SLC2A12: variants seen among roughly 807,000 people sequenced by gnomAD.
SLC2A12 encodes the protein solute carrier family 2, facilitated glucose transporter member 12.
In SLC2A12, 23 loss-of-function variants were observed where a neutral mutation model predicts 41.8. The ratio of observed to expected loss-of-function variants is 0.55; its 90% confidence interval spans 0.40 to 0.78. SLC2A12 has a LOEUF of 0.78. SLC2A12 is among the 30% of genes least tolerant of loss of function. SLC2A12 has a pLI of 0.00. For missense variants in SLC2A12, 654 were observed against 745.6 expected, an observed-to-expected ratio of 0.88 and a Z score of 1.43; for synonymous variants, 295 against 285.9, an observed-to-expected ratio of 1.03 and a Z score of -0.32.
In SLC2A12 at chr6:134,011,339, C is replaced by T. The variant is rs574277727; in HGVS notation, c.1445-4405G>A. On this transcript the variant is annotated intron_variant, in intron 2 of 4. Coordinates refer to ENST00000275230, the MANE Select transcript of SLC2A12 (RefSeq NM_145176.3). ...ATTGGGTTCTTTAAAAATAAGTATA[C>T]GACCAGGTGTGATGGTTCACTCCTG... Among the ~76,000 whole-genome samples, 89 of 152,090 alleles carry T rather than the reference C, an allele frequency of 5.9e-4. 1 individual carries two copies. Among genetic ancestry groups the T allele is most frequent in the East Asian group, 1.9e-4 (1 of 5,168 alleles).
At position 134,052,585 on chromosome 6, in the gene SLC2A12, T is replaced by A; in HGVS notation, c.-105A>T. The A allele has an allele frequency of 1.2e-6, 1 of 850,660 alleles. No individual in the cohort carries two copies. Among genetic ancestry groups the A allele is most frequent in the Non-Finnish European group, 1.9e-6 (1 of 535,546 alleles). The allele number at this position is 850,660 out of a possible 1,614,324, so 52.7% of individuals were successfully genotyped here. Reference sequence around the variant, plus strand: ...CATAATAGCATGCTAAAGAAGAGTGTGGGGAAAAACTTCGGGCAAAGCTAA... The same window carrying A: ...CATAATAGCATGCTAAAGAAGAGTGAGGGGAAAAACTTCGGGCAAAGCTAA... On this transcript the variant is annotated 5_prime_UTR_variant, in exon 1 of 5. Coordinates refer to ENST00000275230, the MANE Select transcript of SLC2A12 (RefSeq NM_145176.3).
chr6:134,019,719 G>A (rs1160330044), intron 2 of SLC2A12, among the ~76,000 whole-genome samples: 1 of 152,134 alleles, frequency 6.6e-6, no homozygotes, highest in Non-Finnish European at 1.5e-5. Context: ...TATTTTAAAT[G>A]CATTCTAGAA....
chr6:134,011,953 A>G (rs1174934413), intron 2 of SLC2A12, among the ~76,000 whole-genome samples: 1 of 151,678 alleles, frequency 6.6e-6, no homozygotes, highest in Non-Finnish European at 1.5e-5. Context: ...AAGGCAGGAG[A>G]ATCGCTTGAG....
intron 4 of SLC2A12, among the ~76,000 whole-genome samples, chr6:133,999,229 G>A (rs1246909122): frequency 6.6e-6 from 1 of 152,200 alleles, no homozygotes; most frequent in East Asian, 1.9e-4. Context: ...TAAGGATGTA[G>A]AGCTGAATCT....
Position 134,028,819 on chromosome 6 carries a change from G to C in SLC2A12, c.1006C>G (p.Leu336Val). 6.2e-7 allele frequency: 1 copy of C among 1,614,210 alleles called. No homozygotes were observed. Among genetic ancestry groups the C allele is most frequent in the Non-Finnish European group, 8.5e-7 (1 of 1,180,042 alleles). ...VKVISTIPAT[L>V]LVDHVGSKTF... The stretch of plus-strand genomic sequence containing the variant: ...TTGCTGCCGACATGGTCTACAAGAA[G>C]AGTGGCAGGGATGGTGCTAATGACC... Residue 336 changes from leucine (L) to valine (V), a missense_variant, in exon 2 of 5, where the codon CTT becomes GTT. By Grantham distance (32) the Leu-to-Val change is conservative. This residue lies in a region of SLC2A12 where 411 missense variants were observed against 412.1 expected (regional missense o/e 1.00). Coordinates refer to ENST00000275230, the MANE Select transcript of SLC2A12 (RefSeq NM_145176.3).
At position 134,047,931 on chromosome 6, in the gene SLC2A12, T is replaced by C. The variant is rs1777481344; in HGVS notation, c.103+4447A>G. On this transcript the variant is annotated intron_variant, in intron 1 of 4. Coordinates refer to ENST00000275230, the MANE Select transcript of SLC2A12 (RefSeq NM_145176.3). The stretch of plus-strand genomic sequence containing the variant: ...CAGGGCAGGCTTCCTGCAGCGTGTG[T>C]CTGCTGCTGCTTCAGAGCCTGGGAG... 2.0e-5 allele frequency among the ~76,000 whole-genome samples: 3 copies of C among 152,194 alleles called. No homozygotes were observed. In the South Asian group the frequency reaches 6.2e-4, roughly 31 times the overall value.
At chr6:134,002,873 C>T (rs1366367791) in intron 3 of SLC2A12, among the ~76,000 whole-genome samples, 1 of 152,220 alleles carries the variant, frequency 6.6e-6, no homozygotes, top group Non-Finnish European at 1.5e-5. Context: ...CCTCTGACCG[C>T]TTCCAGCCAA....
At chr6:134,002,744 C>A (rs58842971) in intron 3 of SLC2A12, among the ~76,000 whole-genome samples, 3,247 of 152,220 alleles carry the variant, frequency 0.021, 75 homozygotes, top group East Asian at 0.1. Flanking sequence ...AATGTTTCTT[C>A]CTGGGTTCAG....
chr6:134,040,058 GTTTTTT>G (rs11371413), intron 1 of SLC2A12, among the ~76,000 whole-genome samples: 2 of 139,332 alleles, frequency 1.4e-5, no homozygotes, highest in African/African-American at 5.4e-5. Flanking sequence ...GTTGTTTTTT[GTTTTTT>G]TTTTTTTGTT....
Position 133,996,782 on chromosome 6 carries a change from C to T in SLC2A12, c.1700+5215G>A, listed in dbSNP as rs540080451. On this transcript the variant is annotated intron_variant, in intron 4 of 4. Transcript: ENST00000275230. ...CAAGCAGGTTCCATGGGCTTTCTAC[C>T]ACCTCGCATTTCCTTAACTAATTTG... Among the ~76,000 whole-genome samples the T allele has an allele frequency of 2.0e-5, 3 of 152,296 alleles. No individual in the cohort carries two copies. In the South Asian group the frequency reaches 6.2e-4, roughly 32 times the overall value.
chr6:134,042,684 G>T (rs1777398728), intron 1 of SLC2A12, among the ~76,000 whole-genome samples: 2 of 152,190 alleles, frequency 1.3e-5, no homozygotes, highest in East Asian at 3.9e-4. Flanking sequence ...GAAACTCCTG[G>T]CTGGGTTAGG....
chr6:133,987,674 CAT>C lies in SLC2A12; in HGVS notation c.*3479_*3480del, dbSNP rs1776557802. On this transcript the variant is annotated 3_prime_UTR_variant, in exon 5 of 5. Transcript: ENST00000275230. ...TATATATATATATATATATGCACCA[CAT>C]GTGTATAGTATCTTTTAATGCTCTG... The C allele has an allele frequency of 2.2e-5, 3 of 133,640 alleles. No individual in the cohort carries two copies. The highest frequency in any genetic ancestry group is 5.9e-5 in the African/African-American group (2 of 33,908). 8.3% of individuals were successfully genotyped at this position (133,640 alleles called of 1,614,324 possible).
At chr6:134,003,708 C>T (rs568631076) in intron 3 of SLC2A12, among the ~76,000 whole-genome samples, 1 of 152,330 alleles carries the variant, frequency 6.6e-6, no homozygotes, top group Non-Finnish European at 1.5e-5. Flanking sequence ...GGTTACTGCC[C>T]TCGCCATTCA....
rs144637965 is a variant in SLC2A12, at chr6:134,029,210, G to C, written c.615C>G (p.Pro205=). 6.3e-5 allele frequency: 102 copies of C among 1,614,124 alleles called. No individual in the cohort carries two copies. The Middle Eastern group carries it at 9.9e-4, about 16-fold the overall frequency. ...TTGCAATTGCTTGCAAAACTCCCAA[G>C]GGAATCACAAGACCAAACATGTACT... The part of the protein sequence containing the change: ...GWKYMFGLVI[P]LGVLQAIAMY... The change falls in exon 2 of 5, where the codon CCC becomes CCG. Residue 205 remains proline (P), a synonymous_variant. Transcript: ENST00000275230.
At position 134,028,381 on chromosome 6, in the gene SLC2A12, T is replaced by C. The variant is rs1777142897; in HGVS notation, c.1444A>G (p.Met482Val). ...ATACATTAAAGAATAAAGTACTTAC[T>C]TGGTCCTAGACCAATTGAAAAAGCA... The part of the protein sequence containing the change: ...VAAFSIGLGP[M>V]PWLVLSEIFP... The change falls in exon 2 of 5, where the codon ATG becomes GTG. Residue 482 changes from methionine (M) to valine (V), a missense_variant and splice_region_variant. Physicochemically the swap from Met to Val is conservative, Grantham distance 21 (BLOSUM62 1). Around this residue, in one of 3 missense-constraint regions of SLC2A12, gnomAD observed 134 missense variants for 180.5 expected, o/e 0.74. Transcript: ENST00000275230. The C allele has an allele frequency of 6.2e-7, 1 of 1,600,576 alleles. No individual in the cohort carries two copies. The highest frequency in any genetic ancestry group is 1.1e-5 in the South Asian group (1 of 88,948).
Position 134,029,362 on chromosome 6 carries a change from T to A in SLC2A12, c.463A>T (p.Ile155Phe). The A allele has an allele frequency of 1.2e-6, 2 of 1,614,206 alleles. No homozygotes were observed. The highest frequency in any genetic ancestry group is 1.1e-5 in the South Asian group (1 of 91,086). ...SLSSIATCVY[I>F]AEIAPQHRRG... ...CTGTGTTGAGGAGCAATCTCTGCGA[T>A]GTAAACACAAGTGGCAATGGAAGAG... is the stretch of plus-strand genomic sequence containing the variant. The change falls in exon 2 of 5, where the codon ATC (isoleucine) becomes TTC (phenylalanine). Residue 155 changes from isoleucine to phenylalanine, a missense_variant. Physicochemically the swap from Ile to Phe is conservative, Grantham distance 21. Transcript: ENST00000275230.
chr6:134,028,314 T>G, intron 2 of SLC2A12, 67 bp downstream of exon 2: 1 of 1,508,832 alleles, frequency 6.6e-7, no homozygotes, highest in South Asian at 1.4e-5. Flanking sequence ...CTTATGTTCA[T>G]GAGGTACTAT....
At chr6:133,993,445 T>G (rs974535981) in intron 4 of SLC2A12, among the ~76,000 whole-genome samples, 1 of 152,250 alleles carries the variant, frequency 6.6e-6, no homozygotes, top group Admixed American at 6.5e-5. Context: ...AAACTTGCAG[T>G]GTCATCCTGA....
At chr6:134,019,381 T>C (rs1777010973) in intron 2 of SLC2A12, among the ~76,000 whole-genome samples, 1 of 152,228 alleles carries the variant, frequency 6.6e-6, no homozygotes, top group South Asian at 2.1e-4. Context: ...TTCACGTTGT[T>C]CTGTGTCTTC....
Sources: gnomAD v4.1 joint callset for allele counts (sites outside exome capture counted in the v4.1 genomes callset) on GRCh38, gnomAD v4.1.1 for gene constraint, gnomAD v4.1.1 regional missense constraint, MANE v1.5 for transcripts, NCBI Gene and HGNC (gene_info 2026-07-23, HGNC 2026-07-21) for gene names.